The following KCNE2 variants were observed in gnomAD, a reference collection of about 807,000 sequenced individuals.
The protein encoded by KCNE2 is potassium voltage-gated channel subfamily E regulatory subunit 2, also known as potassium voltage-gated channel subfamily E member 2.
A neutral mutation model predicts 4.5 loss-of-function variants in KCNE2; 4 were observed. The observed-to-expected ratio is 0.89, with a 90% CI of 0.44 to 2.03. The LOEUF (loss-of-function observed/expected upper bound fraction) is 2.03, where lower values mean the gene tolerates loss of function less well. Ranked by LOEUF, KCNE2 falls within the 30% of genes most tolerant of loss-of-function variation. KCNE2 has a pLI of 0.03. For missense variants in KCNE2, 137 were observed against 151.4 expected (o/e 0.90, Z 0.50); for synonymous variants, 57 against 55.9 (o/e 1.02, Z -0.09).
chr21:34,368,229 A>ATATATATAT lies in KCNE2; in HGVS notation c.-12-2238_-12-2237insTATATATAT, dbSNP rs781775671. Among the ~76,000 whole-genome samples, 73 of 84,764 alleles carry ATATATATAT rather than the reference A, an allele frequency of 8.6e-4. 1 individual carries two copies. Among genetic ancestry groups the ATATATATAT allele is most frequent in the Admixed American group, 2.4e-3 (17 of 7,164 alleles). The allele number at this position is 84,764 out of a possible 152,430, so 55.6% of individuals were successfully genotyped here. A position where few individuals can be genotyped will look rare whatever the true frequency, so the allele number is the denominator to read the frequency against. On this transcript the variant is annotated intron_variant, in intron 1 of 1. Transcript: ENST00000290310. ...CACACACACACACACACACACACAC[A>ATATATATAT]ATATATATATATATATATATATATA...
chr21:34,370,226 A>G (rs537835678), intron 1 of KCNE2, among the ~76,000 whole-genome samples: 26 of 152,362 alleles, frequency 1.7e-4, no homozygotes, highest in African/African-American at 6.3e-4. Flanking sequence ...CAAAGTGTAT[A>G]TATATAATTT....
chr21:34,368,664 T>G (rs530896518), intron 1 of KCNE2, among the ~76,000 whole-genome samples: 2 of 152,250 alleles, frequency 1.3e-5, no homozygotes, highest in South Asian at 4.2e-4. Context: ...GCCCCACAAT[T>G]CTCTAAAAAC....
Position 34,370,578 on chromosome 21 carries a change from C to G in KCNE2, c.100C>G (p.Gln34Glu). 2 of 1,614,174 alleles carry G rather than the reference C, an allele frequency of 1.2e-6. No individual in the cohort carries two copies. Among genetic ancestry groups the G allele is most frequent in the Non-Finnish European group, 1.7e-6 (2 of 1,180,028 alleles). The change falls in exon 2 of 2, where the codon CAA (glutamine) becomes GAA (glutamate). Residue 34 changes from glutamine to glutamate, a missense_variant. Gln to Glu is a conservative substitution (Grantham distance 29). Transcript: ENST00000290310. Reference protein sequence around the residue: ...DNWRQNTTAEQEALQAKVDAE... With the variant: ...DNWRQNTTAEEEALQAKVDAE... ...TTGGCGCCAGAACACAACAGCTGAG[C>G]AAGAGGCCCTCCAAGCCAAAGTTGA...
At chr21:34,367,043 G>GAAAAAGGGTCTCAA (rs1979339472) in intron 1 of KCNE2, among the ~76,000 whole-genome samples, 1 of 138,634 alleles carries the variant, frequency 7.2e-6, no homozygotes. Context: ...AGAAGGGGCA[G>GAAAAAGGGTCTCAA]AAAAAGGGTC....
intron 1 of KCNE2, among the ~76,000 whole-genome samples, chr21:34,366,761 C>T (rs915243941): frequency 2.6e-5 from 4 of 151,702 alleles, no homozygotes; most frequent in Admixed American, 1.3e-4. Flanking sequence ...GGGCGGATCA[C>T]GAGGTCAGGA....
Position 34,370,977 on chromosome 21 carries a change from A to T in KCNE2, c.*127A>T. The T allele has an allele frequency of 1.7e-6, 2 of 1,180,504 alleles. No homozygotes were observed. Among genetic ancestry groups the T allele is most frequent in the Non-Finnish European group, 1.2e-6 (1 of 809,210 alleles). 73.1% of individuals were successfully genotyped at this position (1,180,504 alleles called of 1,614,324 possible). Reference sequence around the variant, plus strand: ...TCCTTGCTCTCTGTTGAGAATTTTCATGGAGATTATGTGGTTGGCCAATAA... The same window carrying T: ...TCCTTGCTCTCTGTTGAGAATTTTCTTGGAGATTATGTGGTTGGCCAATAA... On this transcript the variant is annotated 3_prime_UTR_variant, in exon 2 of 2. Transcript: ENST00000290310.
At chr21:34,366,960 A>C (rs929571458) in intron 1 of KCNE2, among the ~76,000 whole-genome samples, 16 of 139,446 alleles carry the variant, frequency 1.1e-4, no homozygotes, top group Non-Finnish European at 1.1e-4. Flanking sequence ...GCCTGGGCAA[A>C]AGAGACTCCA....
chr21:34,364,374 C>T (rs976024402), intron 1 of KCNE2, among the ~76,000 whole-genome samples: 9 of 152,078 alleles, frequency 5.9e-5, no homozygotes, highest in South Asian at 2.1e-4. Context: ...TCATGGTAAA[C>T]GTAGGTAATC....
chr21:34,369,606 C>G (rs1310674317), intron 1 of KCNE2, among the ~76,000 whole-genome samples: 1 of 151,994 alleles, frequency 6.6e-6, no homozygotes, highest in East Asian at 1.9e-4. Context: ...GCACATATAA[C>G]CCCAAAGAGA....
chr21:34,370,651 G>A lies in KCNE2; in HGVS notation c.173G>A (p.Gly58Glu). ...YVILYLMVMIGMFSFIIVAIL... is the reference protein window; with the variant it reads ...YVILYLMVMIEMFSFIIVAIL... ...ATCCTGTACCTCATGGTGATGATTGGAATGTTCTCTTTCATCATCGTGGCC... is the reference window on the plus strand; with the variant it reads ...ATCCTGTACCTCATGGTGATGATTGAAATGTTCTCTTTCATCATCGTGGCC... The change falls in exon 2 of 2, where the codon GGA (glycine) becomes GAA (glutamate). Residue 58 changes from glycine to glutamate, a missense_variant. By Grantham distance (98) the Gly-to-Glu change is moderately conservative. Transcript: ENST00000290310. 1 of 1,614,216 alleles carries A rather than the reference G, an allele frequency of 6.2e-7. No homozygotes were observed. Among genetic ancestry groups the A allele is most frequent in the Non-Finnish European group, 8.5e-7 (1 of 1,180,042 alleles).
intron 1 of KCNE2, among the ~76,000 whole-genome samples, chr21:34,367,341 G>C (rs1173322807): frequency 6.6e-6 from 1 of 152,050 alleles, no homozygotes; most frequent in East Asian, 1.9e-4. Flanking sequence ...AAGGGTAAAA[G>C]AGCCAGTGGC....
At chr21:34,368,835 T>C (rs1979457831) in intron 1 of KCNE2, among the ~76,000 whole-genome samples, 1 of 152,056 alleles carries the variant, frequency 6.6e-6, no homozygotes, top group Non-Finnish European at 1.5e-5. Flanking sequence ...GTAATATGAA[T>C]ATATACACAC....
Position 34,370,706 on chromosome 21 carries a change from A to C in KCNE2, c.228A>C (p.Arg76Ser). The part of the protein sequence containing the change: ...AILVSTVKSK[R>S]REHSNDPYHQ... ...TGGTGAGCACTGTGAAATCCAAGAG[A>C]CGGGAACACTCCAATGACCCCTACC... The change falls in exon 2 of 2, where the codon AGA (arginine) becomes AGC (serine). Residue 76 changes from arginine (R) to serine (S), a missense_variant. Physicochemically the swap from Arg to Ser is moderately radical, Grantham distance 110 (BLOSUM62 -1). Coordinates refer to ENST00000290310, the MANE Select transcript of KCNE2 (RefSeq NM_172201.2). 1 of 1,614,192 alleles carries C rather than the reference A, an allele frequency of 6.2e-7. No homozygotes were observed. The highest frequency in any genetic ancestry group is 8.5e-7 in the Non-Finnish European group (1 of 1,180,038).
intron 1 of KCNE2, among the ~76,000 whole-genome samples, chr21:34,364,721 C>T (rs549179378): frequency 1.3e-4 from 19 of 151,146 alleles, no homozygotes; most frequent in African/African-American, 4.4e-4. Flanking sequence ...TGCAGTGAGC[C>T]GAGATCACGC....
rs140393558 is a variant in KCNE2, at chr21:34,371,125, T to C, written c.*275T>C. 2.4e-4 allele frequency: 118 copies of C among 490,666 alleles called. 1 individual carries two copies. Among genetic ancestry groups the C allele is most frequent in the African/African-American group, 2.2e-3 (112 of 51,520 alleles). 30.4% of individuals were successfully genotyped at this position (490,666 alleles called of 1,614,324 possible). On this transcript the variant is annotated 3_prime_UTR_variant, in exon 2 of 2. Transcript: ENST00000290310. ...TTTTAATCAATATCAATGATGAAAA[T>C]AAAGCCAAATTTGAAGTAAAGTGTC...
chr21:34,368,379 T>A (rs1979434943), intron 1 of KCNE2, among the ~76,000 whole-genome samples: 1 of 151,300 alleles, frequency 6.6e-6, no homozygotes, highest in African/African-American at 2.4e-5. Flanking sequence ...GGCAGGTGGA[T>A]CACGAGGTCA....
At chr21:34,369,395 C>A (rs1488847461) in intron 1 of KCNE2, among the ~76,000 whole-genome samples, 2 of 151,968 alleles carry the variant, frequency 1.3e-5, no homozygotes, top group Non-Finnish European at 2.9e-5. Flanking sequence ...ACCAAAAATA[C>A]AAAAGTTAGC....
chr21:34,370,872 T>TAAC lies in KCNE2; in HGVS notation c.*24_*26dup, dbSNP rs749615979. The TAAC allele has an allele frequency of 6.2e-7, 1 of 1,613,164 alleles. No individual in the cohort carries two copies. The highest frequency in any genetic ancestry group is 8.5e-7 in the Non-Finnish European group (1 of 1,180,024). On this transcript the variant is annotated 3_prime_UTR_variant, in exon 2 of 2. Transcript: ENST00000290310. ...CTGATAAGGGAGAAAGGCACCAAGC[T>TAAC]AACATCTGACGTCCAGACATGAAGA...
At chr21:34,369,130 GAGGAGGTGGTC>G (rs1281495312) in intron 1 of KCNE2, among the ~76,000 whole-genome samples, 1 of 152,174 alleles carries the variant, frequency 6.6e-6, no homozygotes, top group Admixed American at 6.5e-5. Flanking sequence ...AAGGGTAACT[GAGGAGGTGGTC>G]AGGAGCCTGC....
Sources: allele counts gnomAD v4.1 joint callset (sites outside exome capture counted in the v4.1 genomes callset), GRCh38; gene constraint gnomAD v4.1.1; transcripts MANE v1.5; gene names NCBI Gene and HGNC (gene_info 2026-07-23, HGNC 2026-07-21).